ELK4: variants seen among roughly 807,000 people sequenced by gnomAD.
The protein encoded by ELK4 is ETS transcription factor ELK4.
A neutral mutation model predicts 29.6 loss-of-function variants in ELK4; 16 were observed. The observed-to-expected ratio is 0.54, with a 90% CI of 0.37 to 0.82. ELK4 has a LOEUF of 0.82. Among genes scored for constraint, ELK4 ranks in the 40% least tolerant of loss-of-function variants. ELK4 has a pLI of 0.00. For missense variants in ELK4, 465 were observed against 507.1 expected, an observed-to-expected ratio of 0.92 and a Z score of 0.80; for synonymous variants, 213 against 191.1, an observed-to-expected ratio of 1.11 and a Z score of -0.95.
At chr1:205,620,876 A>G in intron 2 of ELK4, 38 bp from the exon 3 acceptor site, 1 of 1,550,534 alleles carries the variant, frequency 6.4e-7, no homozygotes, top group Non-Finnish European at 8.7e-7. Flanking sequence ...ATCCTTTCTT[A>G]TAAACTTATA....
At chr1:205,619,306 G>C (rs1455269914) in intron 3 of ELK4, 1 of 1,036,500 alleles carries the variant, frequency 9.6e-7, no homozygotes, top group African/African-American at 1.7e-5. Flanking sequence ...AGTTTTTGGG[G>C]GTACAAGTGG....
chr1:205,625,000 A>T (rs759818997), intron 1 of ELK4, among the ~76,000 whole-genome samples: 4 of 152,224 alleles, frequency 2.6e-5, no homozygotes, highest in Non-Finnish European at 5.9e-5. Context: ...AGTGTGTCCT[A>T]AGAATCTTAT....
intron 2 of ELK4, among the ~76,000 whole-genome samples, chr1:205,622,093 A>G (rs983317162): frequency 6.6e-6 from 1 of 152,034 alleles, no homozygotes; most frequent in African/African-American, 2.4e-5. Context: ...GCATGTCTGT[A>G]GTCCCAGCTA....
rs750401968 is a variant in ELK4 at position 205,612,758 on chromosome 1, T to A, written c.*3788A>T. 9.5e-6 allele frequency: 2 copies of A among 210,098 alleles called. No homozygotes were observed. Among genetic ancestry groups the A allele is most frequent in the Non-Finnish European group, 1.9e-5 (2 of 103,434 alleles). The allele number at this position is 210,098 out of a possible 1,614,324, so 13.0% of individuals were successfully genotyped here. A position where few individuals can be genotyped will look rare whatever the true frequency, so the allele number is the denominator to read the frequency against. ...AATGCAGGGGTGAATGGAACTGAAG[T>A]GATACTATCAACAGCCTGGAGTTAC... On this transcript the variant is annotated 3_prime_UTR_variant, in exon 5 of 5. Transcript: ENST00000357992.
chr1:205,617,901 C>CA (rs1008478512), intron 4 of ELK4, among the ~76,000 whole-genome samples: 12 of 150,706 alleles, frequency 8.0e-5, no homozygotes, highest in African/African-American at 1.7e-4. Flanking sequence ...AACTCCGCCT[C>CA]AAAAAAAAAT....
At chr1:205,622,365 C>T (rs188898345) in intron 2 of ELK4, among the ~76,000 whole-genome samples, 19 of 152,266 alleles carry the variant, frequency 1.2e-4, no homozygotes, top group African/African-American at 4.3e-4. Flanking sequence ...AGATATAAAA[C>T]GTATATATGT....
chr1:205,621,051 A>T (rs1670335529), intron 2 of ELK4, among the ~76,000 whole-genome samples: 1 of 151,908 alleles, frequency 6.6e-6, no homozygotes, highest in African/African-American at 2.4e-5. Context: ...AAAAATTTGC[A>T]GGGCATGGTG....
chr1:205,630,601 G>A (rs1670560993), intron 1 of ELK4, among the ~76,000 whole-genome samples: 1 of 152,076 alleles, frequency 6.6e-6, no homozygotes, highest in Non-Finnish European at 1.5e-5. Flanking sequence ...TAACTACACA[G>A]GCTCCTAAAA....
intron 1 of ELK4, among the ~76,000 whole-genome samples, chr1:205,630,068 A>G (rs1195776832): frequency 6.6e-6 from 1 of 151,836 alleles, no homozygotes; most frequent in Non-Finnish European, 1.5e-5. Flanking sequence ...AACAAAACCA[A>G]ACAAAACCTT....
intron 4 of ELK4, among the ~76,000 whole-genome samples, chr1:205,617,188 G>A (rs1485622093): frequency 1.3e-5 from 2 of 151,992 alleles, no homozygotes; most frequent in Non-Finnish European, 2.9e-5. Flanking sequence ...CTGCTCATGT[G>A]TGGCAATGAA....
Position 205,608,807 on chromosome 1 carries a change from G to A in ELK4, c.*7739C>T, listed in dbSNP as rs1454555408. On this transcript the variant is annotated 3_prime_UTR_variant, in exon 5 of 5. Transcript: ENST00000357992. ...AAGCAATGAAGTAACTGTCTTCTCA[G>A]TTGAGCTGACAGGTTTGAAGAAAGC... 5.1e-6 allele frequency: 1 copy of A among 195,822 alleles called. No individual in the cohort carries two copies. The highest frequency in any genetic ancestry group is 1.1e-5 in the Non-Finnish European group (1 of 94,332). 12.1% of individuals were successfully genotyped at this position (195,822 alleles called of 1,614,324 possible).
chr1:205,617,852 G>T (rs1670259904), intron 4 of ELK4, among the ~76,000 whole-genome samples: 1 of 152,106 alleles, frequency 6.6e-6, no homozygotes, highest in Non-Finnish European at 1.5e-5. Context: ...AGTGAGCTGA[G>T]ATCGTGCCAT....
chr1:205,625,715 G>A (rs1670441483), intron 1 of ELK4: 1 of 730,228 alleles, frequency 1.4e-6, no homozygotes, highest in Non-Finnish European at 2.5e-6. Context: ...GTCCCACTCT[G>A]TCACCCAGGC....
Position 205,627,210 on chromosome 1 carries a change from G to A in ELK4, c.-9-3319C>T, listed in dbSNP as rs973043363. ...GTACAGGGTTTCTTTTGGGGGTGAT[G>A]AAAATATTATAAACTTAGGCAGGGC... On this transcript the variant is annotated intron_variant, in intron 1 of 4. Coordinates refer to ENST00000357992, the MANE Select transcript of ELK4 (RefSeq NM_001973.4). 2.0e-5 allele frequency among the ~76,000 whole-genome samples: 3 copies of A among 152,134 alleles called. No homozygotes were observed. In the East Asian group the frequency reaches 5.8e-4, roughly 29 times the overall value.
chr1:205,616,457 G>T lies in ELK4; in HGVS notation c.*89C>A. Reference sequence around the variant, plus strand: ...ATCACAATAGTCTATTATCAGCATTGTAGAACTATCAATTGCTCACTTCAA... The same window carrying T: ...ATCACAATAGTCTATTATCAGCATTTTAGAACTATCAATTGCTCACTTCAA... On this transcript the variant is annotated 3_prime_UTR_variant, in exon 5 of 5. Coordinates refer to ENST00000357992, the MANE Select transcript of ELK4 (RefSeq NM_001973.4). 4 of 1,184,214 alleles carry T rather than the reference G, an allele frequency of 3.4e-6. No individual in the cohort carries two copies. The highest frequency in any genetic ancestry group is 1.5e-5 in the African/African-American group (1 of 66,280). 73.4% of individuals were successfully genotyped at this position (1,184,214 alleles called of 1,614,324 possible).
intron 1 of ELK4, chr1:205,625,908 A>G (rs1310228061): frequency 1.4e-6 from 1 of 727,356 alleles, no homozygotes; most frequent in East Asian, 2.6e-5. Context: ...TGAACTCCTG[A>G]CCTCATGATC....
Position 205,614,012 on chromosome 1 carries a change from C to T in ELK4, c.*2534G>A, listed in dbSNP as rs542107516. ...GTAGTCTATAAACAGAACTGTCTGC[C>T]TCATACACCTGCAGTAAGGTTGTAA... On this transcript the variant is annotated 3_prime_UTR_variant, in exon 5 of 5. Coordinates refer to ENST00000357992, the MANE Select transcript of ELK4 (RefSeq NM_001973.4). 1 of 224,830 alleles carries T rather than the reference C, an allele frequency of 4.4e-6. No individual in the cohort carries two copies. The highest frequency in any genetic ancestry group is 8.9e-6 in the Non-Finnish European group (1 of 112,758). 13.9% of individuals were successfully genotyped at this position (224,830 alleles called of 1,614,324 possible).
chr1:205,630,604 T>C (rs746355776), intron 1 of ELK4, among the ~76,000 whole-genome samples: 1 of 152,190 alleles, frequency 6.6e-6, no homozygotes, highest in Non-Finnish European at 1.5e-5. Context: ...CTACACAGGC[T>C]CCTAAAAAAT....
At chr1:205,625,294 T>A (rs1571504446) in intron 1 of ELK4, among the ~76,000 whole-genome samples, 1 of 148,176 alleles carries the variant, frequency 6.7e-6, no homozygotes, top group African/African-American at 2.5e-5. Context: ...CGCCTACGAC[T>A]AAAAAAAAAA....
Sources: allele counts gnomAD v4.1 joint callset (sites outside exome capture counted in the v4.1 genomes callset), GRCh38; gene constraint gnomAD v4.1.1; transcripts MANE v1.5; gene names NCBI Gene and HGNC (gene_info 2026-07-23, HGNC 2026-07-21).